KLRG1: variants seen among roughly 807,000 people sequenced by gnomAD.
KLRG1 encodes the protein killer cell lectin like receptor G1.
KLRG1 carries 16 observed loss-of-function variants against 21.8 expected under a neutral mutation model. The observed-to-expected ratio is 0.73, with a 90% confidence interval of 0.50 to 1.11. KLRG1 has a LOEUF of 1.11. Ranked by LOEUF, KLRG1 falls within the 50% of genes most tolerant of loss-of-function variation. KLRG1 has a pLI of 0.00. For missense variants in KLRG1, 173 were observed against 218.3 expected (o/e 0.79, Z 1.31); for synonymous variants, 69 against 75.9 (o/e 0.91, Z 0.47).
At chr12:9,051,417 A>G in the KLRG1 span, among the ~76,000 whole-genome samples, 1 of 151,924 alleles carries the variant, frequency 6.6e-6, no homozygotes, top group Non-Finnish European at 1.5e-5. Flanking sequence ...GCAGAGAGGA[A>G]CTACCCTCTC....
the KLRG1 span, chr12:9,090,471 C>G: frequency 1.2e-6 from 2 of 1,613,800 alleles, no homozygotes; most frequent in Admixed American, 1.7e-5. Context: ...AGGCTTCCAG[C>G]TGCACACTGA....
downstream of KLRG1, among the ~76,000 whole-genome samples, chr12:9,013,652 A>G (rs893628636): frequency 6.6e-6 from 1 of 152,166 alleles, no homozygotes; most frequent in African/African-American, 2.4e-5. Flanking sequence ...GAACTTGTGC[A>G]GGGAAACTCC....
At chr12:8,957,717 C>T (rs1052385490) in intron 1 of KLRG1, among the ~76,000 whole-genome samples, 1 of 152,144 alleles carries the variant, frequency 6.6e-6, no homozygotes, top group Non-Finnish European at 1.5e-5. Flanking sequence ...AATCTGATAA[C>T]TGAGAGGGAC....
the KLRG1 span, chr12:9,077,268 A>G: frequency 7.7e-7 from 1 of 1,300,556 alleles, no homozygotes; most frequent in Non-Finnish European, 1.1e-6. Context: ...TTTTAATAGG[A>G]TAGTATTTCA....
At chr12:9,192,860 T>C in the KLRG1 span, 1 of 617,374 alleles carries the variant, frequency 1.6e-6, no homozygotes, top group Non-Finnish European at 2.8e-6. Flanking sequence ...CTCTCCCTCA[T>C]ACTGGTCGAC....
chr12:9,195,232 T>TA, the KLRG1 span, among the ~76,000 whole-genome samples: 1 of 152,148 alleles, frequency 6.6e-6, no homozygotes, highest in African/African-American at 2.4e-5. Flanking sequence ...TATCAATTTT[T>TA]AAAAAATTTA....
the KLRG1 span, chr12:9,182,250 T>C: frequency 3.9e-6 from 3 of 772,412 alleles, no homozygotes; most frequent in Admixed American, 3.8e-5. Context: ...TGGCTTAGTC[T>C]CTCTATGTGC....
At chr12:9,065,591 C>T in the KLRG1 span, among the ~76,000 whole-genome samples, 1 of 152,202 alleles carries the variant, frequency 6.6e-6, no homozygotes, top group Non-Finnish European at 1.5e-5. Flanking sequence ...CTGAAGACAG[C>T]TGGACACTGA....
intron 1 of KLRG1, among the ~76,000 whole-genome samples, chr12:8,981,147 T>G (rs976366167): frequency 6.6e-6 from 1 of 152,236 alleles, no homozygotes; most frequent in African/African-American, 2.4e-5. Flanking sequence ...CCTAGTCTGC[T>G]CTCTTGCTGT....
the KLRG1 span, chr12:9,077,812 G>GTAGGCTC: frequency 6.2e-7 from 1 of 1,614,074 alleles, no homozygotes; most frequent in African/African-American, 1.3e-5. Context: ...CGATGAAGAT[G>GTAGGCTC]TAGGCTCGAG....
the KLRG1 span, chr12:9,164,081 G>T: frequency 6.5e-7 from 1 of 1,546,548 alleles, no homozygotes; most frequent in Non-Finnish European, 8.8e-7. Context: ...AAAGTACTCA[G>T]ACAGCCACCG....
chr12:9,163,870 T>C, the KLRG1 span: 8 of 1,470,256 alleles, frequency 5.4e-6, no homozygotes, highest in Non-Finnish European at 7.3e-6. Flanking sequence ...AAACTTATAG[T>C]TGTCCAGAAT....
the KLRG1 span, chr12:9,160,359 G>A: frequency 6.2e-7 from 1 of 1,614,052 alleles, no homozygotes; most frequent in Non-Finnish European, 8.5e-7. Flanking sequence ...TCCTGCGTCA[G>A]CTGCTGGGTT....
the KLRG1 span, among the ~76,000 whole-genome samples, chr12:9,183,565 A>G: frequency 6.6e-6 from 1 of 152,066 alleles, no homozygotes; most frequent in East Asian, 1.9e-4. Flanking sequence ...ACGTTTGGCT[A>G]ATTTTTTATA....
In KLRG1 at chr12:8,992,294, G is replaced by A; in HGVS notation, c.171G>A (p.Gln57=). ...TTCTTCTGAGTGTGCTGCTATACCA[G>A]TGGATCCTGTGCCAGGGTAAGTGCA... ...TAVLLSVLLY[Q]WILCQGSNYS... is the part of the protein sequence containing the mutation. Residue 57 remains glutamine, a synonymous_variant, in exon 2 of 5, where the codon CAG becomes CAA. Coordinates refer to ENST00000356986, the MANE Select transcript of KLRG1 (RefSeq NM_005810.4). 4 of 1,611,878 alleles carry A rather than the reference G, an allele frequency of 2.5e-6. No individual in the cohort carries two copies. In the South Asian group the frequency reaches 4.4e-5, roughly 18 times the overall value.
At chr12:9,200,774 G>T in the KLRG1 span, 14 of 1,061,344 alleles carry the variant, frequency 1.3e-5, no homozygotes, top group African/African-American at 1.1e-4. Context: ...GGTCTTAGAA[G>T]CAGTAAGTCT....
chr12:9,007,297 G>A (rs992542446), intron 3 of KLRG1, among the ~76,000 whole-genome samples: 22 of 152,104 alleles, frequency 1.4e-4, no homozygotes, highest in Admixed American at 6.5e-5. Context: ...GCCTCACTCC[G>A]TCACCCAGGC....
the KLRG1 span, among the ~76,000 whole-genome samples, chr12:9,213,191 A>G: frequency 9.9e-5 from 15 of 152,202 alleles, no homozygotes; most frequent in African/African-American, 3.6e-4. Flanking sequence ...ATTCCAATGT[A>G]TGGACATACC....
chr12:9,074,182 G>T, the KLRG1 span, among the ~76,000 whole-genome samples: 1 of 151,878 alleles, frequency 6.6e-6, no homozygotes, highest in Non-Finnish European at 1.5e-5. Context: ...GGAGAGATTT[G>T]CGAGGAGAGG....
Sources: gnomAD v4.1 joint callset for allele counts (sites outside exome capture counted in the v4.1 genomes callset) on GRCh38, gnomAD v4.1.1 for gene constraint, MANE v1.5 for transcripts, NCBI Gene and HGNC (gene_info 2026-07-23, HGNC 2026-07-21) for gene names.